The following E2F3 variants were observed in gnomAD, a reference collection of about 807,000 sequenced individuals.
E2F3 encodes E2F transcription factor 3.
In E2F3, 11 loss-of-function variants were observed where a neutral mutation model predicts 44.4. The ratio of observed to expected loss-of-function variants is 0.25; its 90% confidence interval spans 0.16 to 0.41. The LOEUF (loss-of-function observed/expected upper bound fraction) is 0.41, where lower values mean the gene tolerates loss of function less well. Ranked by LOEUF, E2F3 falls within the 10% of genes least tolerant of loss-of-function variation. The pLI is 1.00. For synonymous variants in E2F3, 249 were observed against 253.0 expected (o/e 0.98, Z 0.15); for missense variants, 487 against 583.6 (o/e 0.83, Z 1.70).
At chr6:20,429,868 A>G (rs1760341641) in intron 1 of E2F3, among the ~76,000 whole-genome samples, 1 of 152,080 alleles carries the variant, frequency 6.6e-6, no homozygotes, top group South Asian at 2.1e-4. Context: ...GTTCTTACAC[A>G]TTGATTCCTG....
chr6:20,431,200 G>C (rs1365541915), intron 1 of E2F3, among the ~76,000 whole-genome samples: 1 of 152,106 alleles, frequency 6.6e-6, no homozygotes, highest in Non-Finnish European at 1.5e-5. Flanking sequence ...CCGGTGGGAG[G>C]AATGCAACTG....
At chr6:20,462,847 TTCTC>T (rs1561873210) in intron 1 of E2F3, among the ~76,000 whole-genome samples, 15 of 144,384 alleles carry the variant, frequency 1.0e-4, no homozygotes, top group South Asian at 2.2e-4. Context: ...TTTGTTCTCT[TTCTC>T]TCTCTCTCTT....
At chr6:20,418,244 G>A (rs1759911090) in intron 1 of E2F3, among the ~76,000 whole-genome samples, 1 of 152,204 alleles carries the variant, frequency 6.6e-6, no homozygotes, top group African/African-American at 2.4e-5. Context: ...GAGCAGCGCT[G>A]TCCATATAGT....
At chr6:20,414,697 A>C (rs1479480216) in intron 1 of E2F3, among the ~76,000 whole-genome samples, 2 of 152,170 alleles carry the variant, frequency 1.3e-5, no homozygotes, top group Non-Finnish European at 2.9e-5. Flanking sequence ...CGATCACACT[A>C]ATAACATAAA....
intron 1 of E2F3, among the ~76,000 whole-genome samples, chr6:20,441,522 A>G (rs1760772011): frequency 6.6e-6 from 1 of 152,104 alleles, no homozygotes; most frequent in African/African-American, 2.4e-5. Flanking sequence ...CTTTGGGTAT[A>G]TATCCAGAAG....
intron 1 of E2F3, among the ~76,000 whole-genome samples, chr6:20,478,804 T>A (rs938088223): frequency 6.6e-6 from 1 of 152,148 alleles, no homozygotes; most frequent in Non-Finnish European, 1.5e-5. Context: ...AGCAAGACTC[T>A]GTCTTAAAAA....
At chr6:20,425,533 C>T (rs1479054824) in intron 1 of E2F3, among the ~76,000 whole-genome samples, 6 of 152,094 alleles carry the variant, frequency 3.9e-5, no homozygotes, top group Admixed American at 2.6e-4. Flanking sequence ...GGACTACAGG[C>T]GTACGCCACA....
chr6:20,402,836 C>T lies in E2F3; in HGVS notation c.393+211C>T, dbSNP rs1759353245. 6.6e-6 allele frequency among the ~76,000 whole-genome samples: 1 copy of T among 152,132 alleles called. No homozygotes were observed. Among genetic ancestry groups the T allele is most frequent in the Admixed American group, 6.5e-5 (1 of 15,284 alleles). ...GGGGGGCTCGGCCAGGCGCGCGGGG[C>T]GGCGGGGATTGCCTTGGCGCGAACC... is the stretch of plus-strand genomic sequence containing the variant. On this transcript the variant is annotated intron_variant, in intron 1 of 6. Transcript: ENST00000346618. This position sits in a 1 kb window ranked among gnomAD's most constrained non-coding sequence, Gnocchi z 5.6.
chr6:20,424,383 ATGTGTGTGTGTG>A (rs57510288), intron 1 of E2F3, among the ~76,000 whole-genome samples: 1 of 146,932 alleles, frequency 6.8e-6, no homozygotes, highest in Non-Finnish European at 1.5e-5. Flanking sequence ...GAGTGTGTGT[ATGTGTGTGTGTG>A]TGTGTGTGTG....
At chr6:20,448,496 T>C (rs976616373) in intron 1 of E2F3, among the ~76,000 whole-genome samples, 11 of 152,034 alleles carry the variant, frequency 7.2e-5, no homozygotes, top group African/African-American at 2.7e-4. Context: ...AGTTAGAAAA[T>C]AGATGTTTGT....
chr6:20,461,140 A>G (rs755934485), intron 1 of E2F3, among the ~76,000 whole-genome samples: 12 of 151,794 alleles, frequency 7.9e-5, no homozygotes, highest in Admixed American at 1.3e-4. Flanking sequence ...TTTTTAATTT[A>G]CTATAAAACA....
intron 1 of E2F3, among the ~76,000 whole-genome samples, chr6:20,407,132 A>G (rs1451826347): frequency 1.3e-5 from 2 of 152,202 alleles, no homozygotes; most frequent in African/African-American, 2.4e-5. Context: ...TTATAAAAAG[A>G]AAAGTGCCGG....
intron 1 of E2F3, among the ~76,000 whole-genome samples, chr6:20,459,681 A>G (rs1761434336): frequency 6.6e-6 from 1 of 151,950 alleles, no homozygotes; most frequent in Admixed American, 6.6e-5. Flanking sequence ...TTACAGCCAG[A>G]CTCTTCGTCC....
At chr6:20,421,701 TG>T (rs1490450414) in intron 1 of E2F3, 2 of 152,288 alleles carry the variant, frequency 1.3e-5, no homozygotes, top group African/African-American at 4.8e-5. Flanking sequence ...TGACCTGGGC[TG>T]GTTCACCCCT....
intron 1 of E2F3, among the ~76,000 whole-genome samples, chr6:20,473,996 C>T (rs978651459): frequency 5.3e-5 from 8 of 152,134 alleles, no homozygotes; most frequent in Admixed American, 2.0e-4. Flanking sequence ...ATCAGTAGAG[C>T]TCCTTCCCCA....
intron 1 of E2F3, among the ~76,000 whole-genome samples, chr6:20,443,465 T>A (rs1167357491): frequency 6.6e-6 from 1 of 152,142 alleles, no homozygotes; most frequent in African/African-American, 2.4e-5. Flanking sequence ...ACAGGCCAGA[T>A]GCAGTGGCTC....
chr6:20,486,562 G>A (rs1218161328), intron 4 of E2F3, 127 bp from the exon 5 acceptor site: 29 of 550,056 alleles, frequency 5.3e-5, no homozygotes, highest in South Asian at 4.2e-4. Flanking sequence ...GTGAGCCACC[G>A]CGCCCGGCCA....
At chr6:20,437,934 A>T (rs1321320565) in intron 1 of E2F3, 2 of 152,236 alleles carry the variant, frequency 1.3e-5, no homozygotes, top group Admixed American at 6.5e-5. Context: ...TGGTAATAAG[A>T]TTTATTTAAT....
At chr6:20,437,700 A>T (rs1198160138) in intron 1 of E2F3, 1 of 152,224 alleles carries the variant, frequency 6.6e-6, no homozygotes, top group Non-Finnish European at 1.5e-5. Flanking sequence ...GAAAACGGAC[A>T]CTTGTCATTC....
Sources: gnomAD v4.1 joint callset for allele counts (sites outside exome capture counted in the v4.1 genomes callset) on GRCh38, gnomAD v4.1.1 for gene constraint, Gnocchi (gnomAD v3.1) non-coding constraint, MANE v1.5 for transcripts, NCBI Gene and HGNC (gene_info 2026-07-23, HGNC 2026-07-21) for gene names.